IMMP2L: variants seen among roughly 807,000 people sequenced by gnomAD.
The protein encoded by IMMP2L is mitochondrial inner membrane protease subunit 2.
In IMMP2L, 18 loss-of-function variants were observed where a neutral mutation model predicts 19.3. The observed-to-expected ratio is 0.93, with a 90% CI of 0.64 to 1.38. The LOEUF (loss-of-function observed/expected upper bound fraction) is 1.38. Ranked by LOEUF, IMMP2L falls within the 40% of genes most tolerant of loss-of-function variation. IMMP2L has a pLI of 0.00. For missense variants in IMMP2L, 233 were observed against 218.2 expected, an observed-to-expected ratio of 1.07 and a Z score of -0.43; for synonymous variants, 76 against 73.0, an observed-to-expected ratio of 1.04 and a Z score of -0.21.
intron 3 of IMMP2L, among the ~76,000 whole-genome samples, chr7:111,332,144 G>T (rs1322005213): frequency 6.6e-6 from 1 of 151,636 alleles, no homozygotes; most frequent in Non-Finnish European, 1.5e-5. Context: ...ATGTTAAAAG[G>T]TCATAATGTT....
intron 2 of IMMP2L, among the ~76,000 whole-genome samples, chr7:111,502,021 G>C (rs1027948781): frequency 3.9e-5 from 6 of 152,032 alleles, no homozygotes; most frequent in African/African-American, 1.4e-4. Context: ...AAAAGACACA[G>C]ACTGGCAAAT....
chr7:110,683,966 G>A (rs1792923557), intron 5 of IMMP2L, among the ~76,000 whole-genome samples: 1 of 152,118 alleles, frequency 6.6e-6, no homozygotes, highest in South Asian at 2.1e-4. Context: ...AGAAGGCCAT[G>A]GCTGGGATGC....
intron 5 of IMMP2L, among the ~76,000 whole-genome samples, chr7:110,723,871 A>T (rs2130781826): frequency 6.6e-6 from 1 of 152,108 alleles, no homozygotes; most frequent in Middle Eastern, 3.4e-3. Context: ...AAAAAAAAAA[A>T]AAGAACAGAT....
chr7:111,430,699 C>T (rs1836536702), intron 3 of IMMP2L, among the ~76,000 whole-genome samples: 1 of 151,762 alleles, frequency 6.6e-6, no homozygotes, highest in Non-Finnish European at 1.5e-5. Flanking sequence ...AAGTAGTACA[C>T]TCAAATATTG....
chr7:111,257,746 T>C (rs1816869774), intron 3 of IMMP2L, among the ~76,000 whole-genome samples: 1 of 152,156 alleles, frequency 6.6e-6, no homozygotes, highest in Non-Finnish European at 1.5e-5. Flanking sequence ...GTACAAAATA[T>C]ACGGCCTATA....
chr7:110,777,569 G>A (rs1315503737), intron 5 of IMMP2L, among the ~76,000 whole-genome samples: 1 of 151,958 alleles, frequency 6.6e-6, no homozygotes, highest in Non-Finnish European at 1.5e-5. Context: ...GAATACTGCT[G>A]AGAAAGCTGC....
intron 5 of IMMP2L, among the ~76,000 whole-genome samples, chr7:110,853,661 A>G (rs1350505930): frequency 5.3e-5 from 8 of 152,072 alleles, no homozygotes; most frequent in South Asian, 2.1e-4. Context: ...GAAACTTGAT[A>G]TTGACTATAA....
intron 3 of IMMP2L, among the ~76,000 whole-genome samples, chr7:111,396,735 T>C (rs1455621095): frequency 3.3e-5 from 5 of 152,260 alleles, no homozygotes; most frequent in Non-Finnish European, 7.4e-5. Flanking sequence ...ATCATAACAA[T>C]ATACAATGCT....
intron 3 of IMMP2L, among the ~76,000 whole-genome samples, chr7:111,217,077 ATC>A (rs372527019): frequency 2.9e-5 from 4 of 135,976 alleles, no homozygotes; most frequent in African/African-American, 1.1e-4. Context: ...TCATCTTCTG[ATC>A]TCTCTCTCTC....
At chr7:110,969,759 C>T (rs1018693242) in intron 3 of IMMP2L, among the ~76,000 whole-genome samples, 2 of 152,028 alleles carry the variant, frequency 1.3e-5, no homozygotes, top group African/African-American at 4.8e-5. Flanking sequence ...TATGGTTTAT[C>T]TACATTGGCC....
At chr7:111,541,133 C>T (rs1184203332) in intron 1 of IMMP2L, among the ~76,000 whole-genome samples, 1 of 152,160 alleles carries the variant, frequency 6.6e-6, no homozygotes, top group Non-Finnish European at 1.5e-5. Flanking sequence ...TTCTATGATT[C>T]TAACTTCAGG....
chr7:110,722,186 T>C (rs1795616430), intron 5 of IMMP2L, among the ~76,000 whole-genome samples: 1 of 152,078 alleles, frequency 6.6e-6, no homozygotes, highest in South Asian at 2.1e-4. Flanking sequence ...AGGGTGGGGA[T>C]GGAGCGATGA....
At chr7:110,772,777 C>G (rs532258902) in intron 5 of IMMP2L, among the ~76,000 whole-genome samples, 1 of 152,170 alleles carries the variant, frequency 6.6e-6, no homozygotes, top group South Asian at 2.1e-4. Context: ...CTATGCAAGC[C>G]CTGGGTGTGG....
At chr7:111,285,114 C>A (rs1182287024) in intron 3 of IMMP2L, among the ~76,000 whole-genome samples, 1 of 151,904 alleles carries the variant, frequency 6.6e-6, no homozygotes, top group Non-Finnish European at 1.5e-5. Flanking sequence ...ATAATAAAGG[C>A]CTTGCAAAGA....
intron 3 of IMMP2L, among the ~76,000 whole-genome samples, chr7:111,273,427 T>C (rs761217944): frequency 4.6e-5 from 7 of 152,208 alleles, no homozygotes; most frequent in Non-Finnish European, 1.0e-4. Flanking sequence ...GAGGTTACCA[T>C]GAGCTCATAG....
chr7:110,950,981 T>C (rs1472487219), intron 4 of IMMP2L, among the ~76,000 whole-genome samples: 1 of 151,032 alleles, frequency 6.6e-6, no homozygotes, highest in Non-Finnish European at 1.5e-5. Context: ...TGCAACAACA[T>C]GAATGAACCT....
At chr7:110,784,663 T>G (rs1048791053) in intron 5 of IMMP2L, among the ~76,000 whole-genome samples, 9 of 151,994 alleles carry the variant, frequency 5.9e-5, no homozygotes, top group Admixed American at 3.3e-4. Context: ...CTCAATGAGG[T>G]CTCCAATTCA....
chr7:110,894,966 T>C (rs560398997), intron 4 of IMMP2L, among the ~76,000 whole-genome samples: 8 of 152,328 alleles, frequency 5.3e-5, no homozygotes, highest in Admixed American at 2.0e-4. Flanking sequence ...TTGGCAACTT[T>C]GTTAAAATTA....
At chr7:111,023,744 T>C (rs1419590756) in intron 3 of IMMP2L, among the ~76,000 whole-genome samples, 1 of 152,102 alleles carries the variant, frequency 6.6e-6, no homozygotes, top group Non-Finnish European at 1.5e-5. Flanking sequence ...TGTAAGTTTA[T>C]TCAAATTATG....
Sources: gnomAD v4.1 joint callset for allele counts (sites outside exome capture counted in the v4.1 genomes callset) on GRCh38, gnomAD v4.1.1 for gene constraint, MANE v1.5 for transcripts, NCBI Gene and HGNC (gene_info 2026-07-23, HGNC 2026-07-21) for gene names.